Variants in MGAT5 observed in about 807,000 individuals in gnomAD.
The protein encoded by MGAT5 is alpha-1,6-mannosylglycoprotein 6-beta-N-acetylglucosaminyltransferase, also known as alpha-1,6-mannosylglycoprotein 6-beta-N-acetylglucosaminyltransferase A.
A neutral mutation model predicts 94.3 loss-of-function variants in MGAT5; 30 were observed. That is an observed-to-expected ratio of 0.32 (90% CI 0.24 to 0.43). The LOEUF (loss-of-function observed/expected upper bound fraction) is 0.43. MGAT5 is among the 20% of genes least tolerant of loss of function. MGAT5 has a pLI of 1.00. For synonymous variants in MGAT5, 310 were observed against 322.9 expected (o/e 0.96, Z 0.43); for missense variants, 691 against 905.5 (o/e 0.76, Z 3.04).
At chr2:134,197,432 A>T (rs1263053879) in intron 1 of MGAT5, among the ~76,000 whole-genome samples, 1 of 152,238 alleles carries the variant, frequency 6.6e-6, no homozygotes, top group African/African-American at 2.4e-5. Flanking sequence ...GTGACTGGAA[A>T]AGCAAAGCTT....
At position 134,189,612 on chromosome 2, in the gene MGAT5, T is replaced by TTTGTTTTGTTTTG. The variant is rs1558978244; in HGVS notation, c.-142-64648_-142-64647insGTTTTGTTTTGTT. Among the ~76,000 whole-genome samples the TTTGTTTTGTTTTG allele has an allele frequency of 3.8e-4, 35 of 92,918 alleles. 4 individuals are homozygous for TTTGTTTTGTTTTG. The highest frequency in any genetic ancestry group is 1.7e-3 in the African/African-American group (34 of 20,536). The allele number at this position is 92,918 out of a possible 152,430, so 61.0% of individuals were successfully genotyped here. Reference sequence around the variant, plus strand: ...CTCTAGTTTTTTTTTGTTTTTTTTTTTTTTTTTTAAGACAGAGTCTCGCTC... The same window carrying TTTGTTTTGTTTTG: ...CTCTAGTTTTTTTTTGTTTTTTTTTTTTGTTTTGTTTTGTTTTTTTTAAGACAGAGTCTCGCTC... On this transcript the variant is annotated intron_variant, in intron 1 of 16. Transcript: ENST00000409645.
Position 134,173,171 on chromosome 2 carries a change from G to T in MGAT5, c.-143+52880G>T, listed in dbSNP as rs188880484. Among the ~76,000 whole-genome samples the T allele has an allele frequency of 1.7e-3, 254 of 152,244 alleles. 3 individuals are homozygous for T. The highest frequency in any genetic ancestry group is 5.8e-3 in the African/African-American group (241 of 41,536). ...CATGAGATTTTTGTCTCAAATACAA[G>T]CATATTTAATCCATCCTTTCATGTC... On this transcript the variant is annotated intron_variant, in intron 1 of 16. Transcript: ENST00000409645.
At chr2:134,317,475 G>T in intron 2 of MGAT5, 54 bp from the exon 3 acceptor site, 2 of 1,320,642 alleles carry the variant, frequency 1.5e-6, no homozygotes, top group Non-Finnish European at 2.1e-6. Context: ...AAGAATGTTA[G>T]GCTTGTGTTT....
chr2:134,402,350 T>A (rs1351379748), intron 10 of MGAT5, among the ~76,000 whole-genome samples: 1 of 152,246 alleles, frequency 6.6e-6, no homozygotes, highest in Non-Finnish European at 1.5e-5. Flanking sequence ...TCAGGGCTCA[T>A]CAAAATTTAC....
chr2:134,341,518 AT>A, intron 6 of MGAT5, 71 bp from the exon 7 acceptor site: 1 of 1,293,660 alleles, frequency 7.7e-7, no homozygotes, highest in Non-Finnish European at 1.0e-6. Flanking sequence ...TTGGTCAATC[AT>A]TTCTTGGCGC....
At chr2:134,388,811 G>C (rs1342253962) in intron 10 of MGAT5, among the ~76,000 whole-genome samples, 4 of 151,532 alleles carry the variant, frequency 2.6e-5, no homozygotes, top group Non-Finnish European at 5.9e-5. Flanking sequence ...GCCCAAACTG[G>C]AGTGCAGTGG....
intron 1 of MGAT5, among the ~76,000 whole-genome samples, chr2:134,224,292 TAGTC>T (rs1250288518): frequency 1.6e-4 from 24 of 152,310 alleles, no homozygotes; most frequent in African/African-American, 5.5e-4. Flanking sequence ...CCATAAGTAT[TAGTC>T]AGAAAGGATT....
chr2:134,366,308 A>T (rs147358053), intron 10 of MGAT5, among the ~76,000 whole-genome samples: 1 of 152,236 alleles, frequency 6.6e-6, no homozygotes, highest in African/African-American at 2.4e-5. Context: ...AAATATGGGA[A>T]TTGAAGTGTT....
rs1055133582 is a variant in MGAT5, at chr2:134,329,986, G to A, written c.574-6231G>A. Among the ~76,000 whole-genome samples, 2 of 152,208 alleles carry A rather than the reference G, an allele frequency of 1.3e-5. 1 individual carries two copies. ...CATGTGGTAGAGAGAAGTGCAGGGG[G>A]CTTACTTTTTTTTAGTGTATCCCTT... On this transcript the variant is annotated intron_variant, in intron 4 of 15. Transcript: ENST00000281923.
chr2:134,360,011 T>C (rs983111162), intron 9 of MGAT5, among the ~76,000 whole-genome samples: 1 of 152,146 alleles, frequency 6.6e-6, no homozygotes, highest in Non-Finnish European at 1.5e-5. Flanking sequence ...GGCGAAGGCA[T>C]GTAGAGGTCA....
At chr2:134,253,590 A>G (rs1173309027), upstream of MGAT5, among the ~76,000 whole-genome samples, 1 of 152,210 alleles carries the variant, frequency 6.6e-6, no homozygotes, top group Non-Finnish European at 1.5e-5. Context: ...ACAGCATGCA[A>G]GTGAGCAGTG....
intron 10 of MGAT5, among the ~76,000 whole-genome samples, chr2:134,372,395 T>C (rs1680866073): frequency 6.6e-6 from 1 of 152,228 alleles, no homozygotes; most frequent in Non-Finnish European, 1.5e-5. Context: ...GTTTCAGTGA[T>C]ATATCTCTCA....
At chr2:134,421,881 G>T (rs952726718) in intron 12 of MGAT5, among the ~76,000 whole-genome samples, 1 of 152,054 alleles carries the variant, frequency 6.6e-6, no homozygotes, top group African/African-American at 2.4e-5. Context: ...TTAAAGAATG[G>T]ACTCAACTGA....
chr2:134,402,500 T>G (rs1446918951), intron 10 of MGAT5, among the ~76,000 whole-genome samples: 1 of 152,190 alleles, frequency 6.6e-6, no homozygotes, highest in African/African-American at 2.4e-5. Context: ...CTAGAAACAT[T>G]GGCAAGAGCT....
At chr2:134,386,827 T>C (rs1401199354) in intron 10 of MGAT5, among the ~76,000 whole-genome samples, 3 of 152,130 alleles carry the variant, frequency 2.0e-5, no homozygotes, top group Non-Finnish European at 4.4e-5. Flanking sequence ...GATAAAGGGG[T>C]AGAGAAGTAG....
chr2:134,234,947 T>C (rs375239239), intron 1 of MGAT5, among the ~76,000 whole-genome samples: 2 of 151,906 alleles, frequency 1.3e-5, no homozygotes, highest in African/African-American at 4.8e-5. Flanking sequence ...AGGGTGGTGG[T>C]TGTAAGGAAG....
chr2:134,276,246 C>A (rs1031007823), intron 2 of MGAT5, among the ~76,000 whole-genome samples: 1 of 151,206 alleles, frequency 6.6e-6, no homozygotes, highest in Non-Finnish European at 1.5e-5. Flanking sequence ...TTAGAAACTC[C>A]CAGAAGACTA....
At chr2:134,274,120 T>C (rs748014298) in intron 2 of MGAT5, among the ~76,000 whole-genome samples, 11 of 152,246 alleles carry the variant, frequency 7.2e-5, no homozygotes, top group Non-Finnish European at 1.3e-4. Context: ...GTAAAAAGTA[T>C]ACATATCTGA....
chr2:134,420,497 G>A (rs1417144211), intron 12 of MGAT5, among the ~76,000 whole-genome samples: 1 of 152,162 alleles, frequency 6.6e-6, no homozygotes, highest in African/African-American at 2.4e-5. Flanking sequence ...CTGGGCCCAG[G>A]GACTTGTCGG....
Sources: allele counts gnomAD v4.1 joint callset (sites outside exome capture counted in the v4.1 genomes callset), GRCh38; gene constraint gnomAD v4.1.1; transcripts MANE v1.5; gene names NCBI Gene and HGNC (gene_info 2026-07-23, HGNC 2026-07-21).